ADAT1: variants seen among roughly 807,000 people sequenced by gnomAD.
The protein encoded by ADAT1 is tRNA-specific adenosine deaminase 1.
Under a neutral mutation model 58.6 loss-of-function variants are expected in ADAT1, and 58 were observed. The ratio of observed to expected loss-of-function variants is 0.99; its 90% CI spans 0.80 to 1.23. The LOEUF (loss-of-function observed/expected upper bound fraction) is 1.23. Among genes scored for constraint, ADAT1 ranks in the 50% most tolerant of loss-of-function variants. The pLI is 0.00. For synonymous variants in ADAT1, 254 were observed against 220.8 expected (o/e 1.15, Z -1.33); for missense variants, 741 against 608.6 (o/e 1.22, Z -2.29).
In ADAT1 at chr16:75,597,441, C is replaced by T. The variant is rs1427048137; in HGVS notation, c.*2775G>A. 3.4e-5 allele frequency: 15 copies of T among 440,736 alleles called. No individual in the cohort carries two copies. The highest frequency in any genetic ancestry group is 1.3e-4 in the South Asian group (8 of 61,512). 27.3% of individuals were successfully genotyped at this position (440,736 alleles called of 1,614,324 possible). A position where few individuals can be genotyped will look rare whatever the true frequency, so the allele number is the denominator to read the frequency against. On this transcript the variant is annotated 3_prime_UTR_variant, in exon 10 of 10. Transcript: ENST00000564657. The stretch of plus-strand genomic sequence containing the variant: ...CTTCAGAGCAGCAGTCCCCAAGGCA[C>T]GAAAAAGTCTTCCTTAGAGCAGCAG...
intron 1 of ADAT1, among the ~76,000 whole-genome samples, chr16:75,621,563 ATAAG>A (rs1463734007): frequency 6.6e-6 from 1 of 152,214 alleles, no homozygotes; most frequent in Non-Finnish European, 1.5e-5. Context: ...TGAGGGTTAA[ATAAG>A]TAATACTTAT....
intron 4 of ADAT1, among the ~76,000 whole-genome samples, chr16:75,617,627 C>G (rs945289856): frequency 2.0e-5 from 3 of 149,500 alleles, no homozygotes; most frequent in African/African-American, 7.4e-5. Context: ...GAGTGAGACT[C>G]TATTTTTGTT....
chr16:75,612,234 C>A lies in ADAT1; in HGVS notation c.1043+9G>T, dbSNP rs1248613686. The A allele has an allele frequency of 6.2e-7, 1 of 1,611,812 alleles. No homozygotes were observed. The highest frequency in any genetic ancestry group is 1.1e-5 in the South Asian group (1 of 90,836). On this transcript the variant is annotated intron_variant, in intron 6 of 9. Coordinates refer to ENST00000564657, the MANE Select transcript of ADAT1 (RefSeq NM_001324445.2). ...GACTGTTCCAATTGAGCCCTCCCTACCCTCTCACCTTCCAATCAGTGCTCT... is the reference window on the plus strand; with the variant it reads ...GACTGTTCCAATTGAGCCCTCCCTAACCTCTCACCTTCCAATCAGTGCTCT...
chr16:75,608,509 T>C (rs942589307), intron 7 of ADAT1, 186 bp from the exon 8 acceptor site: 6 of 588,370 alleles, frequency 1.0e-5, no homozygotes, highest in Non-Finnish European at 1.8e-5. Flanking sequence ...TAATTCATTA[T>C]TATTATGATA....
At position 75,600,036 on chromosome 16, in the gene ADAT1, G is replaced by A; in HGVS notation, c.*180C>T. On this transcript the variant is annotated 3_prime_UTR_variant, in exon 10 of 10. Coordinates refer to ENST00000564657, the MANE Select transcript of ADAT1 (RefSeq NM_001324445.2). ...TAGTGAGATGCCATTTTAGCAGAGA[G>A]CTACTTCAATCAAGTATAGCTTGCT... 1 of 1,432,992 alleles carries A rather than the reference G, an allele frequency of 7.0e-7. No homozygotes were observed. The allele number at this position is 1,432,992 out of a possible 1,614,324, so 88.8% of individuals were successfully genotyped here. A position where few individuals can be genotyped will look rare whatever the true frequency, so the allele number is the denominator to read the frequency against.
chr16:75,605,824 CT>C (rs2081353008), intron 8 of ADAT1, among the ~76,000 whole-genome samples: 1 of 151,076 alleles, frequency 6.6e-6, no homozygotes, highest in African/African-American at 2.4e-5. Context: ...GTAATCCCAG[CT>C]ACTCGGGAGG....
At chr16:75,620,078 G>C (rs2081882907) in intron 3 of ADAT1, among the ~76,000 whole-genome samples, 188 bp downstream of exon 3, 1 of 152,080 alleles carries the variant, frequency 6.6e-6, no homozygotes, top group Admixed American at 6.6e-5. Context: ...CATGTTCCTA[G>C]AGGCCTCCGC....
intron 7 of ADAT1, 22 bp downstream of exon 7, chr16:75,608,821 A>T (rs769088110): frequency 1.2e-6 from 2 of 1,605,616 alleles, no homozygotes; most frequent in African/African-American, 2.7e-5. Context: ...ACTCCAGGGC[A>T]GGTCTAACCT....
chr16:75,618,681 C>A, intron 3 of ADAT1, 41 bp from the exon 4 acceptor site: 1 of 1,608,932 alleles, frequency 6.2e-7, no homozygotes, highest in South Asian at 1.1e-5. Context: ...CATATGGAAG[C>A]TGGAGAGGGT....
At chr16:75,617,308 G>C (rs757416690) in intron 4 of ADAT1, 36 bp from the exon 5 acceptor site, 2 of 1,598,072 alleles carry the variant, frequency 1.3e-6, no homozygotes, top group African/African-American at 1.3e-5. Flanking sequence ...ATGAACAACC[G>C]ATCTCTGTGG....
chr16:75,618,098 C>CAAAAA lies in ADAT1; in HGVS notation c.293+483_293+487dup, dbSNP rs1163510620. ...AGGTAACAGAGCAAGACCCTGTGTC[C>CAAAAA]AAAAAAAAAAAAAAAAAAAAAAAAA... On this transcript the variant is annotated intron_variant, in intron 4 of 9. Transcript: ENST00000564657. 6.9e-3 allele frequency among the ~76,000 whole-genome samples: 226 copies of CAAAAA among 32,524 alleles called. 18 individuals are homozygous for CAAAAA. The highest frequency in any genetic ancestry group is 0.045 in the Middle Eastern group (2 of 44). 21.3% of individuals were successfully genotyped at this position (32,524 alleles called of 152,430 possible).
Position 75,618,651 on chromosome 16 carries a change from G to C in ADAT1, c.239-11C>G. 6.2e-7 allele frequency: 1 copy of C among 1,612,868 alleles called. No homozygotes were observed. Among genetic ancestry groups the C allele is most frequent in the Admixed American group, 1.7e-5 (1 of 59,742 alleles). On this transcript the variant is annotated splice_polypyrimidine_tract_variant and intron_variant, in intron 3 of 9. Coordinates refer to ENST00000564657, the MANE Select transcript of ADAT1 (RefSeq NM_001324445.2). ...CATTGAGGATGTCTCCTGCGGCAAAGATAGGACACCAGGTGAAGACATATG... is the reference window on the plus strand; with the variant it reads ...CATTGAGGATGTCTCCTGCGGCAAACATAGGACACCAGGTGAAGACATATG...
rs951237537 is a variant in ADAT1, at chr16:75,617,279, G to A, written c.294-7C>T. On this transcript the variant is annotated splice_region_variant and splice_polypyrimidine_tract_variant and intron_variant, in intron 4 of 9. Coordinates refer to ENST00000564657, the MANE Select transcript of ADAT1 (RefSeq NM_001324445.2). ...GAGTTGGTGGAGAAGGTACCTAAGGGTTGCAAGATGTTATTAGGATGAACA... is the reference window on the plus strand; with the variant it reads ...GAGTTGGTGGAGAAGGTACCTAAGGATTGCAAGATGTTATTAGGATGAACA... 1 of 1,610,170 alleles carries A rather than the reference G, an allele frequency of 6.2e-7. No homozygotes were observed. Among genetic ancestry groups the A allele is most frequent in the African/African-American group, 1.3e-5 (1 of 74,820 alleles).
At chr16:75,618,197 T>A (rs1006399150) in intron 4 of ADAT1, among the ~76,000 whole-genome samples, 1 of 150,382 alleles carries the variant, frequency 6.6e-6, no homozygotes, top group African/African-American at 2.4e-5. Context: ...CTGTATTACC[T>A]AGGAGCTTAT....
Position 75,620,790 on chromosome 16 carries a change from C to T in ADAT1, c.10G>A (p.Ala4Thr), listed in dbSNP as rs373338053. 36 of 1,612,486 alleles carry T rather than the reference C, an allele frequency of 2.2e-5. No individual in the cohort carries two copies. The highest frequency in any genetic ancestry group is 6.7e-5 in the Admixed American group (4 of 59,924). Residue 4 changes from alanine (A) to threonine (T), a missense_variant, in exon 2 of 10, where the codon GCG becomes ACG. Physicochemically the swap from Ala to Thr is moderately conservative, Grantham distance 58. Transcript: ENST00000564657. MWT[A>T]DEIAQLCYEH... ...TAGCATAGCTGAGCAATCTCATCCGCGGTCCACATGGTCTGAGCTGGTATT... is the reference window on the plus strand; with the variant it reads ...TAGCATAGCTGAGCAATCTCATCCGTGGTCCACATGGTCTGAGCTGGTATT...
chr16:75,604,474 T>TACAC (rs373687206), intron 8 of ADAT1, among the ~76,000 whole-genome samples: 3,008 of 53,982 alleles, frequency 0.056, 127 homozygotes, highest in East Asian at 0.073. Context: ...TATATATATA[T>TACAC]ACACACACAC....
chr16:75,606,050 T>C (rs1597099516), intron 8 of ADAT1, among the ~76,000 whole-genome samples: 1 of 88,916 alleles, frequency 1.1e-5, no homozygotes, highest in Non-Finnish European at 2.2e-5. Context: ...TTTTTAGAGA[T>C]TGGGGGGGGG....
chr16:75,620,147 CAGTA>C (rs1481615664), intron 3 of ADAT1, 115 bp downstream of exon 3: 1 of 956,576 alleles, frequency 1.0e-6, no homozygotes, highest in African/African-American at 1.6e-5. Context: ...GACTGATAGT[CAGTA>C]GGAAACAAAT....
At chr16:75,608,395 A>G (rs2081426682) in intron 7 of ADAT1, 72 bp from the exon 8 acceptor site, 2 of 1,335,178 alleles carry the variant, frequency 1.5e-6, no homozygotes, top group African/African-American at 1.4e-5. Context: ...TTTAATAAAA[A>G]TATTTCTCTG....
Sources: allele counts gnomAD v4.1 joint callset (sites outside exome capture counted in the v4.1 genomes callset), GRCh38; gene constraint gnomAD v4.1.1; transcripts MANE v1.5; gene names NCBI Gene and HGNC (gene_info 2026-07-23, HGNC 2026-07-21).